Variants in MBD2 observed in about 807,000 individuals in gnomAD.
MBD2 encodes the protein methyl-CpG-binding domain protein 2.
Under a neutral mutation model 39.3 loss-of-function variants are expected in MBD2, and 9 were observed. The ratio of observed to expected loss-of-function variants is 0.23; its 90% CI spans 0.14 to 0.40. MBD2 has a LOEUF of 0.40. Ranked by LOEUF, MBD2 falls within the 10% of genes least tolerant of loss-of-function variation. The pLI is 1.00. For missense variants in MBD2, 458 were observed against 532.6 expected (o/e 0.86, Z 1.38); for synonymous variants, 233 against 211.1 (o/e 1.10, Z -0.90).
intron 3 of MBD2, among the ~76,000 whole-genome samples, chr18:54,188,550 T>G (rs1273015668): frequency 2.0e-5 from 3 of 152,214 alleles, no homozygotes; most frequent in Admixed American, 6.5e-5. Context: ...ACATGCTTCA[T>G]TCTTCTATGA....
At chr18:54,204,207 G>C (rs1020915698) in intron 2 of MBD2, among the ~76,000 whole-genome samples, 2 of 152,200 alleles carry the variant, frequency 1.3e-5, no homozygotes, top group African/African-American at 4.8e-5. Context: ...GAAGACAATG[G>C]TGGTGGCAAT....
At chr18:54,185,369 TA>T (rs2144307031) in intron 3 of MBD2, among the ~76,000 whole-genome samples, 1 of 152,280 alleles carries the variant, frequency 6.6e-6, no homozygotes, top group East Asian at 1.9e-4. Context: ...GAAATGAAAT[TA>T]CTATTCAAAG....
At chr18:54,202,581 T>C in intron 2 of MBD2, 1 of 374,674 alleles carries the variant, frequency 2.7e-6, no homozygotes, top group Non-Finnish European at 3.9e-6. Context: ...CTCCACTTTC[T>C]GACCATTTAA....
At chr18:54,203,278 TATAGGTACCCA>T (rs2086423487) in intron 2 of MBD2, among the ~76,000 whole-genome samples, 1 of 152,356 alleles carries the variant, frequency 6.6e-6, no homozygotes, top group Admixed American at 6.5e-5. Context: ...AAGCCCCTTT[TATAGGTACCCA>T]GCACTGTGTT....
Position 54,224,510 on chromosome 18 carries a change from C to A in MBD2, c.50G>T (p.Gly17Val). 8.1e-7 allele frequency: 1 copy of A among 1,236,822 alleles called. No individual in the cohort carries two copies. Among genetic ancestry groups the A allele is most frequent in the East Asian group, 3.2e-5 (1 of 31,606 alleles). 76.6% of individuals were successfully genotyped at this position (1,236,822 alleles called of 1,614,324 possible). Residue 17 changes from glycine to valine, a missense_variant, in exon 1 of 7, where the codon GGG (glycine) becomes GTG (valine). By Grantham distance (109) the Gly-to-Val change is moderately radical. Coordinates refer to ENST00000256429, the MANE Select transcript of MBD2 (RefSeq NM_003927.5). Reference protein sequence around the residue: ...GGRCCPEQEEGESAAGGSGAG... With the variant: ...GGRCCPEQEEVESAAGGSGAG... The stretch of plus-strand genomic sequence containing the variant: ...GCCGCTGCCGCCCGCCGCACTCTCC[C>A]CCTCCTCCTGCTCCGGGCAGCAGCG...
At chr18:54,219,153 C>T (rs931119696) in intron 1 of MBD2, among the ~76,000 whole-genome samples, 2 of 152,198 alleles carry the variant, frequency 1.3e-5, no homozygotes, top group Non-Finnish European at 2.9e-5. Flanking sequence ...TGTGTCTGTG[C>T]ACTATGAGCA....
intron 1 of MBD2, among the ~76,000 whole-genome samples, chr18:54,218,185 G>C (rs1311201629): frequency 6.6e-6 from 1 of 151,972 alleles, no homozygotes; most frequent in Non-Finnish European, 1.5e-5. Context: ...GAAATAACAG[G>C]GTTAATCCTA....
At chr18:54,161,993 A>C (rs1022526530) in intron 5 of MBD2, among the ~76,000 whole-genome samples, 1 of 152,206 alleles carries the variant, frequency 6.6e-6, no homozygotes, top group Non-Finnish European at 1.5e-5. Flanking sequence ...AACTACAGGC[A>C]GCTTCCAGGA....
At chr18:54,219,300 T>C (rs1252100329) in intron 1 of MBD2, among the ~76,000 whole-genome samples, 1 of 152,194 alleles carries the variant, frequency 6.6e-6, no homozygotes, top group Non-Finnish European at 1.5e-5. Flanking sequence ...CAACCAATTT[T>C]ATCCCAACAC....
At chr18:54,158,411 T>C (rs1183125429) in intron 6 of MBD2, among the ~76,000 whole-genome samples, 1 of 152,052 alleles carries the variant, frequency 6.6e-6, no homozygotes, top group Non-Finnish European at 1.5e-5. Flanking sequence ...CATCCCTCCC[T>C]CTGTTTTGGC....
chr18:54,200,845 C>T (rs545768817), intron 2 of MBD2, among the ~76,000 whole-genome samples: 3 of 151,998 alleles, frequency 2.0e-5, no homozygotes, highest in South Asian at 4.2e-4. Context: ...TTTGGGAGGC[C>T]GAGGCGGGCG....
intron 2 of MBD2, chr18:54,203,100 C>G: frequency 6.2e-7 from 1 of 1,608,536 alleles, no homozygotes; most frequent in South Asian, 1.1e-5. Flanking sequence ...TGTTCCAGCG[C>G]AGCTAGAGCA....
At chr18:54,158,978 C>A (rs141114458) in intron 6 of MBD2, among the ~76,000 whole-genome samples, 89 of 152,266 alleles carry the variant, frequency 5.8e-4, no homozygotes, top group Middle Eastern at 6.8e-3. Flanking sequence ...TTTTAGTGTC[C>A]TTCTTGTTCT....
At chr18:54,202,981 T>G (rs766208079) in intron 2 of MBD2, 2 of 999,176 alleles carry the variant, frequency 2.0e-6, no homozygotes, top group South Asian at 1.3e-5. Flanking sequence ...CTTGGATGAG[T>G]AGGAGTTCAC....
At chr18:54,222,192 C>G (rs1249692954) in intron 1 of MBD2, 1 of 311,896 alleles carries the variant, frequency 3.2e-6, no homozygotes, top group Non-Finnish European at 6.5e-6. Context: ...TACTAGAAAA[C>G]GAACAATTGT....
At chr18:54,217,183 T>C (rs1322916892) in intron 1 of MBD2, among the ~76,000 whole-genome samples, 4 of 152,222 alleles carry the variant, frequency 2.6e-5, no homozygotes, top group Non-Finnish European at 4.4e-5. Flanking sequence ...AAATGCGAAG[T>C]GTTCAATTTT....
At position 54,223,977 on chromosome 18, in the gene MBD2, G is replaced by T. The variant is rs542599063; in HGVS notation, c.542+41C>A. 3.8e-6 allele frequency: 3 copies of T among 789,608 alleles called. No individual in the cohort carries two copies. The East Asian group carries it at 1.1e-4, about 29-fold the overall frequency. 48.9% of individuals were successfully genotyped at this position (789,608 alleles called of 1,614,324 possible). A position where few individuals can be genotyped will look rare whatever the true frequency, so the allele number is the denominator to read the frequency against. ...AGGCCCGCTCTTGACCCCTGACCCC[G>T]GCCTGACCCCGCCACCCCCTCCCCG... On this transcript the variant is annotated intron_variant, in intron 1 of 6. Coordinates refer to ENST00000256429, the MANE Select transcript of MBD2 (RefSeq NM_003927.5).
chr18:54,213,217 C>G (rs1301267285), intron 1 of MBD2, among the ~76,000 whole-genome samples: 1 of 152,092 alleles, frequency 6.6e-6, no homozygotes, highest in Non-Finnish European at 1.5e-5. Flanking sequence ...CGTTAAGAAC[C>G]GGGAGGTACA....
chr18:54,186,401 T>A (rs754036973), intron 3 of MBD2, among the ~76,000 whole-genome samples: 9 of 152,126 alleles, frequency 5.9e-5, no homozygotes, highest in Non-Finnish European at 1.0e-4. Flanking sequence ...CATTTCTGCC[T>A]ATGTATATTT....
Sources: gnomAD v4.1 joint callset for allele counts (sites outside exome capture counted in the v4.1 genomes callset) on GRCh38, gnomAD v4.1.1 for gene constraint, MANE v1.5 for transcripts, NCBI Gene and HGNC (gene_info 2026-07-23, HGNC 2026-07-21) for gene names.